The following AHCYL2 variants were observed in gnomAD, a reference collection of about 807,000 sequenced individuals.
AHCYL2 encodes the protein S-adenosylhomocysteine hydrolase-like protein 2.
A neutral mutation model predicts 81.4 loss-of-function variants in AHCYL2; 28 were observed. The ratio of observed to expected loss-of-function variants is 0.34; its 90% CI spans 0.25 to 0.47. The LOEUF (loss-of-function observed/expected upper bound fraction) is 0.47, where lower values mean the gene tolerates loss of function less well. AHCYL2 is among the 20% of genes least tolerant of loss of function. The pLI, the probability that AHCYL2 is intolerant of heterozygous loss-of-function variation, is 1.00. For missense variants in AHCYL2, 551 were observed against 785.1 expected, an observed-to-expected ratio of 0.70 and a Z score of 3.56; for synonymous variants, 272 against 290.2, an observed-to-expected ratio of 0.94 and a Z score of 0.64.
At chr7:129,287,867 C>T (rs1202699488) in intron 1 of AHCYL2, among the ~76,000 whole-genome samples, 1 of 152,184 alleles carries the variant, frequency 6.6e-6, no homozygotes, top group Non-Finnish European at 1.5e-5. Flanking sequence ...TCACCTTCAA[C>T]AATTGTGAAT....
intron 1 of AHCYL2, among the ~76,000 whole-genome samples, chr7:129,365,980 A>G (rs1215596558): frequency 6.6e-6 from 1 of 152,148 alleles, no homozygotes; most frequent in Non-Finnish European, 1.5e-5. Context: ...TTTAGGTAAC[A>G]GATGTGACTT....
At chr7:129,249,085 C>T (rs1020288242) in intron 1 of AHCYL2, among the ~76,000 whole-genome samples, 2 of 147,390 alleles carry the variant, frequency 1.4e-5, no homozygotes, top group African/African-American at 5.0e-5. Flanking sequence ...GCAGCCTCAA[C>T]CTCCTGGGCT....
Position 129,428,761 on chromosome 7 carries a change from A to G in AHCYL2, c.*1716A>G, listed in dbSNP as rs1361087008. The G allele has an allele frequency of 5.3e-5, 8 of 152,214 alleles. No homozygotes were observed. The highest frequency in any genetic ancestry group is 2.1e-4 in the South Asian group (1 of 4,830). 9.4% of individuals were successfully genotyped at this position (152,214 alleles called of 1,614,324 possible). ...AAGTAGGGAAGTGGAACTTTGGTAAATGACTGTTTGCCTCATTTAATAGTA... is the reference window on the plus strand; with the variant it reads ...AAGTAGGGAAGTGGAACTTTGGTAAGTGACTGTTTGCCTCATTTAATAGTA... On this transcript the variant is annotated 3_prime_UTR_variant, in exon 17 of 17. Transcript: ENST00000325006.
At chr7:129,407,330 T>A in intron 10 of AHCYL2, among the ~76,000 whole-genome samples, 1 of 152,148 alleles carries the variant, frequency 6.6e-6, no homozygotes, top group East Asian at 1.9e-4. Flanking sequence ...CCAGCCTGGG[T>A]GACCCAGCAA....
At chr7:129,374,381 A>G (rs1794569491) in intron 1 of AHCYL2, among the ~76,000 whole-genome samples, 1 of 152,182 alleles carries the variant, frequency 6.6e-6, no homozygotes, top group Non-Finnish European at 1.5e-5. Flanking sequence ...ATTCTTGTAC[A>G]AATTAATAGA....
chr7:129,336,666 A>T (rs1430855549), intron 1 of AHCYL2, among the ~76,000 whole-genome samples: 1 of 152,196 alleles, frequency 6.6e-6, no homozygotes, highest in Non-Finnish European at 1.5e-5. Context: ...CAAGCAGTGC[A>T]GGTGAGCAGT....
chr7:129,352,233 T>C (rs1563207974), intron 1 of AHCYL2, among the ~76,000 whole-genome samples: 2 of 152,198 alleles, frequency 1.3e-5, no homozygotes, highest in Non-Finnish European at 2.9e-5. Context: ...ATCTGGCAGA[T>C]ATTTTCTTGA....
At chr7:129,379,810 C>T (rs1234161922) in intron 2 of AHCYL2, 61 bp downstream of exon 2, 6 of 1,309,692 alleles carry the variant, frequency 4.6e-6, no homozygotes, top group South Asian at 1.3e-5. Context: ...CTCAATGGGC[C>T]CTCCTGTCTA....
intron 1 of AHCYL2, among the ~76,000 whole-genome samples, chr7:129,373,102 T>A (rs10954228): frequency 0.29 from 43,469 of 150,650 alleles, 7,622 homozygotes; most frequent in East Asian, 0.61. Context: ...CTGAAAAAAA[T>A]TTTTTTTTTT....
chr7:129,353,832 A>G (rs1793650063), intron 1 of AHCYL2, among the ~76,000 whole-genome samples: 1 of 151,850 alleles, frequency 6.6e-6, no homozygotes, highest in African/African-American at 2.4e-5. Context: ...AAGAATTCCC[A>G]CATTTGAGGG....
At chr7:129,376,738 G>T (rs1794707037) in intron 1 of AHCYL2, among the ~76,000 whole-genome samples, 1 of 152,228 alleles carries the variant, frequency 6.6e-6, no homozygotes, top group Non-Finnish European at 1.5e-5. Flanking sequence ...GTGTGGTTGT[G>T]TTGGGGTTGT....
intron 1 of AHCYL2, among the ~76,000 whole-genome samples, chr7:129,240,550 C>T (rs1045822717): frequency 6.6e-6 from 1 of 152,076 alleles, no homozygotes; most frequent in Non-Finnish European, 1.5e-5. Context: ...GCTACAAAGC[C>T]AGTTTGATTT....
Position 129,346,415 on chromosome 7 carries a change from A to G in AHCYL2, c.364-33223A>G, listed in dbSNP as rs912502296. On this transcript the variant is annotated intron_variant, in intron 1 of 16. Coordinates refer to ENST00000325006, the MANE Select transcript of AHCYL2 (RefSeq NM_015328.4). ...ATGATAAAGGACTGTTATCCAAACT[A>G]TGAAAAGAGCTCTTAATAATAAGGA... Among the ~76,000 whole-genome samples, 7 of 152,284 alleles carry G rather than the reference A, an allele frequency of 4.6e-5. No individual in the cohort carries two copies. The East Asian group carries it at 7.7e-4, about 17-fold the overall frequency.
chr7:129,276,340 A>C (rs1325533431), intron 1 of AHCYL2, among the ~76,000 whole-genome samples: 1 of 152,098 alleles, frequency 6.6e-6, no homozygotes, highest in Admixed American at 6.5e-5. Context: ...TAGAAAAAAA[A>C]CAGAGTTCAT....
intron 1 of AHCYL2, among the ~76,000 whole-genome samples, chr7:129,299,407 TTTTTG>T: frequency 1.1e-5 from 1 of 90,086 alleles, no homozygotes; most frequent in South Asian, 4.1e-4. Flanking sequence ...TTTTTTTTTT[TTTTTG>T]AGATGGAGTC....
chr7:129,233,400 T>C (rs1794517946), intron 1 of AHCYL2, among the ~76,000 whole-genome samples: 1 of 152,134 alleles, frequency 6.6e-6, no homozygotes, highest in African/African-American at 2.4e-5. Context: ...AGGTCTCCAA[T>C]TCTCGGGCTC....
At chr7:129,251,215 T>C (rs1185815245) in intron 1 of AHCYL2, among the ~76,000 whole-genome samples, 1 of 152,174 alleles carries the variant, frequency 6.6e-6, no homozygotes. Flanking sequence ...TAAGCCTGTG[T>C]CTGATGTTTT....
intron 1 of AHCYL2, among the ~76,000 whole-genome samples, chr7:129,261,915 A>G (rs1047615243): frequency 7.9e-5 from 12 of 152,156 alleles, no homozygotes; most frequent in African/African-American, 2.4e-4. Context: ...TCTTTTCAGT[A>G]TGGAAAGTTA....
At chr7:129,383,512 C>T (rs1459921669) in intron 2 of AHCYL2, among the ~76,000 whole-genome samples, 1 of 152,110 alleles carries the variant, frequency 6.6e-6, no homozygotes, top group African/African-American at 2.4e-5. Context: ...TCAGTTCCAA[C>T]CTTACCCATC....
Sources: allele counts gnomAD v4.1 joint callset (sites outside exome capture counted in the v4.1 genomes callset), GRCh38; gene constraint gnomAD v4.1.1; transcripts MANE v1.5; gene names NCBI Gene and HGNC (gene_info 2026-07-23, HGNC 2026-07-21).